Variants in LPP observed in about 807,000 individuals in gnomAD.
LPP encodes LIM domain containing preferred translocation partner in lipoma, also known as lipoma-preferred partner.
Under a neutral mutation model 60.4 loss-of-function variants are expected in LPP, and 38 were observed. That is an observed-to-expected ratio of 0.63 (90% confidence interval 0.49 to 0.83). The LOEUF (loss-of-function observed/expected upper bound fraction) is 0.83. LPP is among the 40% of genes least tolerant of loss of function. The probability of loss-of-function intolerance (pLI) is 0.00; values close to 1 mark genes in which losing one functional copy is unlikely to be tolerated. For synonymous variants in LPP, 328 were observed against 290.8 expected, an observed-to-expected ratio of 1.13 and a Z score of -1.30; for missense variants, 902 against 783.6, an observed-to-expected ratio of 1.15 and a Z score of -1.80.
intron 5 of LPP, among the ~76,000 whole-genome samples, chr3:188,493,761 A>G (rs1182804469): frequency 2.6e-5 from 4 of 152,128 alleles, no homozygotes; most frequent in African/African-American, 9.7e-5. Flanking sequence ...TTCTTATAAT[A>G]TGTTGAAAAT....
At chr3:188,309,231 G>T (rs887175278) in intron 2 of LPP, among the ~76,000 whole-genome samples, 6 of 151,962 alleles carry the variant, frequency 3.9e-5, no homozygotes, top group African/African-American at 1.5e-4. Flanking sequence ...ATATTGGCCA[G>T]GCTGGTCTTG....
chr3:188,801,901 T>C (rs191769697), intron 9 of LPP, among the ~76,000 whole-genome samples: 1 of 152,344 alleles, frequency 6.6e-6, no homozygotes, highest in Non-Finnish European at 1.5e-5. Flanking sequence ...CCCCTCATCA[T>C]GGTGTTAAAA....
At chr3:188,505,350 TC>T (rs1337354153) in intron 5 of LPP, among the ~76,000 whole-genome samples, 1 of 152,074 alleles carries the variant, frequency 6.6e-6, no homozygotes, top group Non-Finnish European at 1.5e-5. Context: ...TACCACCCCC[TC>T]CTCCTTTCTC....
chr3:188,444,032 A>G (rs780691431), intron 4 of LPP, among the ~76,000 whole-genome samples: 39 of 152,190 alleles, frequency 2.6e-4, no homozygotes, highest in Non-Finnish European at 5.1e-4. Context: ...TTTCAAATAC[A>G]TCTTTGACTC....
chr3:188,868,167 G>A (rs1017927933), intron 10 of LPP, among the ~76,000 whole-genome samples: 4 of 152,164 alleles, frequency 2.6e-5, no homozygotes, highest in African/African-American at 4.8e-5. Context: ...TCAATGGGGA[G>A]TATGTTCTGT....
chr3:188,268,861 A>T (rs1736586593), intron 2 of LPP, among the ~76,000 whole-genome samples: 1 of 152,238 alleles, frequency 6.6e-6, no homozygotes. Context: ...TACTAGGTAG[A>T]TACTTTTTAC....
chr3:188,351,844 G>A (rs762806328), intron 3 of LPP, among the ~76,000 whole-genome samples: 3 of 152,122 alleles, frequency 2.0e-5, no homozygotes, highest in East Asian at 3.9e-4. Flanking sequence ...CAAAATTGGC[G>A]TTGGGGGACT....
chr3:188,261,787 A>T (rs1485195497), intron 2 of LPP, among the ~76,000 whole-genome samples: 1 of 151,868 alleles, frequency 6.6e-6, no homozygotes, highest in Admixed American at 6.6e-5. Context: ...GGTGGCACAT[A>T]TCTGTAGTCC....
At chr3:188,688,178 T>C (rs1322340146) in intron 7 of LPP, among the ~76,000 whole-genome samples, 1 of 152,228 alleles carries the variant, frequency 6.6e-6, no homozygotes, top group South Asian at 2.1e-4. Flanking sequence ...CCATATCCTT[T>C]AGATGACGGA....
intron 3 of LPP, among the ~76,000 whole-genome samples, chr3:188,351,292 G>A (rs766818978): frequency 1.9e-4 from 29 of 152,140 alleles, no homozygotes; most frequent in Non-Finnish European, 3.5e-4. Context: ...GAACTGGAAA[G>A]GAAGTTAAAA....
chr3:188,606,024 T>A (rs906322110), intron 6 of LPP, among the ~76,000 whole-genome samples: 1 of 152,138 alleles, frequency 6.6e-6, no homozygotes, highest in Non-Finnish European at 1.5e-5. Flanking sequence ...AAGAAGACCA[T>A]AGTACTCTGT....
chr3:188,822,844 G>A (rs1387601509), intron 9 of LPP, among the ~76,000 whole-genome samples: 1 of 152,106 alleles, frequency 6.6e-6, no homozygotes, highest in African/African-American at 2.4e-5. Flanking sequence ...GGGACCATAT[G>A]TACAGGAAAT....
intron 4 of LPP, among the ~76,000 whole-genome samples, chr3:188,471,469 A>C (rs1801822776): frequency 6.6e-6 from 1 of 152,196 alleles, no homozygotes; most frequent in Non-Finnish European, 1.5e-5. Context: ...AATTAGAAAA[A>C]TTTGGTGTAA....
chr3:188,485,136 T>A (rs1005336322), intron 5 of LPP, among the ~76,000 whole-genome samples: 1 of 152,194 alleles, frequency 6.6e-6, no homozygotes, highest in Non-Finnish European at 1.5e-5. Flanking sequence ...ATCCTTTTGG[T>A]CAGCAACATT....
At chr3:188,408,512 G>A (rs1267439213) in intron 4 of LPP, among the ~76,000 whole-genome samples, 4 of 152,098 alleles carry the variant, frequency 2.6e-5, no homozygotes, top group African/African-American at 9.7e-5. Flanking sequence ...CACCCCACAC[G>A]TTTTTGTTAC....
At chr3:188,646,599 T>C (rs1851144597) in intron 7 of LPP, among the ~76,000 whole-genome samples, 1 of 152,154 alleles carries the variant, frequency 6.6e-6, no homozygotes, top group Admixed American at 6.5e-5. Context: ...CAAAGCAAAT[T>C]GGTATTTTGT....
intron 8 of LPP, among the ~76,000 whole-genome samples, chr3:188,721,591 A>C (rs55884274): frequency 6.6e-6 from 1 of 152,094 alleles, no homozygotes; most frequent in Admixed American, 6.5e-5. Context: ...AGTTCATTTC[A>C]TGCACCAGCT....
intron 9 of LPP, among the ~76,000 whole-genome samples, chr3:188,843,190 A>C (rs908064034): frequency 6.6e-6 from 1 of 152,170 alleles, no homozygotes; most frequent in Middle Eastern, 3.2e-3. Context: ...TCCATCTTCT[A>C]TCAGTTCTAA....
At chr3:188,710,986 TG>T (rs1229958887) in intron 8 of LPP, 1 of 152,210 alleles carries the variant, frequency 6.6e-6, no homozygotes, top group Non-Finnish European at 1.5e-5. Context: ...TTTTAAGAAA[TG>T]GATGAAATAT....
Sources: allele counts gnomAD v4.1 joint callset (sites outside exome capture counted in the v4.1 genomes callset), GRCh38; gene constraint gnomAD v4.1.1; transcripts MANE v1.5; gene names NCBI Gene and HGNC (gene_info 2026-07-23, HGNC 2026-07-21).